The following SLC24A2 variants were observed in gnomAD, a reference collection of about 807,000 sequenced individuals.
The protein encoded by SLC24A2 is sodium/potassium/calcium exchanger 2.
SLC24A2 carries 36 observed loss-of-function variants against 62.0 expected under a neutral mutation model. The observed-to-expected ratio is 0.58, with a 90% confidence interval of 0.44 to 0.77. The LOEUF (loss-of-function observed/expected upper bound fraction) is 0.77. Ranked by LOEUF, SLC24A2 falls within the 30% of genes least tolerant of loss-of-function variation. SLC24A2 has a pLI of 0.00. For synonymous variants in SLC24A2, 358 were observed against 294.0 expected, an observed-to-expected ratio of 1.22 and a Z score of -2.23; for missense variants, 846 against 817.9, an observed-to-expected ratio of 1.03 and a Z score of -0.42.
At chr9:19,969,013 A>C in the SLC24A2 span, among the ~76,000 whole-genome samples, 2 of 152,258 alleles carry the variant, frequency 1.3e-5, no homozygotes, top group Non-Finnish European at 2.9e-5. Context: ...GTTCTACCAG[A>C]CATTCTTCAA....
the SLC24A2 span, among the ~76,000 whole-genome samples, chr9:20,282,912 A>G: frequency 1.3e-5 from 2 of 152,338 alleles, no homozygotes; most frequent in East Asian, 3.9e-4. Flanking sequence ...TATCATTGCA[A>G]CTTTGCACAC....
chr9:19,774,863 G>T (rs1034449704), intron 2 of SLC24A2, among the ~76,000 whole-genome samples: 1 of 152,190 alleles, frequency 6.6e-6, no homozygotes, highest in South Asian at 2.1e-4. Flanking sequence ...AGCGATTCAT[G>T]ACCTAACTAT....
At chr9:19,562,766 C>G (rs1399584622) in intron 7 of SLC24A2, among the ~76,000 whole-genome samples, 1 of 151,902 alleles carries the variant, frequency 6.6e-6, no homozygotes, top group African/African-American at 2.4e-5. Context: ...TAGTGGATTT[C>G]TTTTTTAAGG....
chr9:20,074,119 T>C, the SLC24A2 span, among the ~76,000 whole-genome samples: 1 of 152,034 alleles, frequency 6.6e-6, no homozygotes, highest in African/African-American at 2.4e-5. Context: ...CTCTACCCAC[T>C]GTTCCATCAT....
chr9:19,883,382 A>G, the SLC24A2 span, among the ~76,000 whole-genome samples: 1 of 152,226 alleles, frequency 6.6e-6, no homozygotes, highest in Non-Finnish European at 1.5e-5. Flanking sequence ...CAAATTTAAT[A>G]GAGATAAGAA....
the SLC24A2 span, among the ~76,000 whole-genome samples, chr9:19,839,251 G>C: frequency 1.3e-5 from 2 of 152,186 alleles, no homozygotes; most frequent in African/African-American, 4.8e-5. Context: ...ACAGGTGCTG[G>C]AGAGGATGTG....
chr9:20,062,320 C>T, the SLC24A2 span, among the ~76,000 whole-genome samples: 2 of 150,974 alleles, frequency 1.3e-5, no homozygotes, highest in Non-Finnish European at 2.9e-5. Flanking sequence ...CAGAACAGAG[C>T]CCTCAGAAAT....
chr9:19,799,767 C>A, the SLC24A2 span, among the ~76,000 whole-genome samples: 1 of 152,164 alleles, frequency 6.6e-6, no homozygotes, highest in Admixed American at 6.6e-5. Flanking sequence ...ACTTTGGTCA[C>A]CACTATAAAT....
chr9:19,844,480 T>C, the SLC24A2 span, among the ~76,000 whole-genome samples: 1 of 152,190 alleles, frequency 6.6e-6, no homozygotes, highest in Non-Finnish European at 1.5e-5. Context: ...TTTACTCATA[T>C]GATAGTTTCT....
intron 2 of SLC24A2, among the ~76,000 whole-genome samples, chr9:19,726,104 AAGGCCTATG>A (rs1821161652): frequency 6.6e-6 from 1 of 152,222 alleles, no homozygotes; most frequent in African/African-American, 2.4e-5. Flanking sequence ...AAGCGGAGTC[AAGGCCTATG>A]AGCCCTGATC....
the SLC24A2 span, among the ~76,000 whole-genome samples, chr9:20,163,078 G>A: frequency 6.6e-6 from 1 of 152,040 alleles, no homozygotes; most frequent in African/African-American, 2.4e-5. Flanking sequence ...CAGAAGACAG[G>A]GATACCCTCT....
chr9:19,872,171 G>T, the SLC24A2 span, among the ~76,000 whole-genome samples: 10 of 152,284 alleles, frequency 6.6e-5, no homozygotes, highest in African/African-American at 2.4e-4. Context: ...GTAACAGGAA[G>T]GCAGGCAGTA....
chr9:19,932,644 GA>G, the SLC24A2 span, among the ~76,000 whole-genome samples: 3 of 152,194 alleles, frequency 2.0e-5, no homozygotes, highest in Non-Finnish European at 2.9e-5. Flanking sequence ...CTAGAACTCA[GA>G]ACTTCTGACT....
chr9:19,806,202 G>A, the SLC24A2 span, among the ~76,000 whole-genome samples: 1 of 152,264 alleles, frequency 6.6e-6, no homozygotes, highest in African/African-American at 2.4e-5. Flanking sequence ...GAATCAGCTA[G>A]GTGTGAAGAC....
chr9:19,996,375 T>C, the SLC24A2 span, among the ~76,000 whole-genome samples: 9 of 152,350 alleles, frequency 5.9e-5, 1 homozygote, highest in Admixed American at 1.3e-4. Flanking sequence ...GTCGATTATG[T>C]GTTCCACTCC....
intron 2 of SLC24A2, among the ~76,000 whole-genome samples, chr9:19,731,547 G>C (rs1053152379): frequency 6.6e-6 from 1 of 151,916 alleles, no homozygotes; most frequent in African/African-American, 2.4e-5. Flanking sequence ...GTGTGTGCAT[G>C]TGTGCACATG....
intron 2 of SLC24A2, among the ~76,000 whole-genome samples, chr9:19,713,073 CCT>C (rs780984874): frequency 6.6e-6 from 1 of 152,154 alleles, no homozygotes; most frequent in Non-Finnish European, 1.5e-5. Flanking sequence ...GTCCCCTTTC[CCT>C]GTTTTATTTT....
At chr9:19,550,111 A>T (rs1436169812) in intron 8 of SLC24A2, 26 bp downstream of exon 8, 3 of 1,610,410 alleles carry the variant, frequency 1.9e-6, no homozygotes, top group African/African-American at 2.7e-5. Flanking sequence ...TTTACAAGGG[A>T]ACTATTTTTA....
chr9:19,991,845 T>C, the SLC24A2 span, among the ~76,000 whole-genome samples: 87 of 152,160 alleles, frequency 5.7e-4, no homozygotes, highest in African/African-American at 2.0e-3. Context: ...ACATTCAAAA[T>C]AGACATGAGC....
Sources: allele counts gnomAD v4.1 joint callset (sites outside exome capture counted in the v4.1 genomes callset), GRCh38; gene constraint gnomAD v4.1.1; transcripts MANE v1.5; gene names NCBI Gene and HGNC (gene_info 2026-07-23, HGNC 2026-07-21).